The following SLIT3 variants were observed in gnomAD, a reference collection of about 807,000 sequenced individuals.
The protein encoded by SLIT3 is slit homolog 3 protein.
SLIT3 carries 68 observed loss-of-function variants against 184.0 expected under a neutral mutation model. That is an observed-to-expected ratio of 0.37 (90% CI 0.30 to 0.45). SLIT3 has a LOEUF of 0.45. Among genes scored for constraint, SLIT3 ranks in the 20% least tolerant of loss-of-function variants. The pLI, the probability that SLIT3 is intolerant of heterozygous loss-of-function variation, is 1.00. For synonymous variants in SLIT3, 831 were observed against 828.6 expected, an observed-to-expected ratio of 1.00 and a Z score of -0.05; for missense variants, 1,707 against 2,026.0, an observed-to-expected ratio of 0.84 and a Z score of 3.02.
At chr5:168,813,446 C>A (rs190658480) in intron 8 of SLIT3, among the ~76,000 whole-genome samples, 38 of 152,232 alleles carry the variant, frequency 2.5e-4, no homozygotes, top group Admixed American at 2.2e-3. Context: ...AGCCGTAGGG[C>A]CTTAACCTTC....
intron 4 of SLIT3, among the ~76,000 whole-genome samples, chr5:168,889,792 T>A (rs1760373279): frequency 6.6e-6 from 1 of 152,148 alleles, no homozygotes; most frequent in Non-Finnish European, 1.5e-5. Flanking sequence ...TTATCCCAGA[T>A]ACAAAGAAAT....
intron 4 of SLIT3, among the ~76,000 whole-genome samples, chr5:169,151,036 GA>G (rs140136220): frequency 4.0e-5 from 6 of 151,128 alleles, no homozygotes; most frequent in East Asian, 3.9e-4. Context: ...TAGTAGTGAG[GA>G]AAAAAAAACT....
Position 168,842,469 on chromosome 5 carries a change from G to GTTTTTTTTTTTTTTTTTTTTTTTTTTTTT in SLIT3, c.557+2114_557+2115insAAAAAAAAAAAAAAAAAAAAAAAAAAAAA, listed in dbSNP as rs778998998. Among the ~76,000 whole-genome samples, 3 of 88,100 alleles carry GTTTTTTTTTTTTTTTTTTTTTTTTTTTTT rather than the reference G, an allele frequency of 3.4e-5. 1 individual carries two copies. Among genetic ancestry groups the GTTTTTTTTTTTTTTTTTTTTTTTTTTTTT allele is most frequent in the African/African-American group, 4.8e-5 (1 of 20,834 alleles). 57.8% of individuals were successfully genotyped at this position (88,100 alleles called of 152,430 possible). A position where few individuals can be genotyped will look rare whatever the true frequency, so the allele number is the denominator to read the frequency against. Reference sequence around the variant, plus strand: ...TGGTGCATCTGGATACCGTTTTTTCGTTTTTTTTTTTTTTTTTTGTATCTG... The same window carrying GTTTTTTTTTTTTTTTTTTTTTTTTTTTTT: ...TGGTGCATCTGGATACCGTTTTTTCGTTTTTTTTTTTTTTTTTTTTTTTTTTTTTTTTTTTTTTTTTTTTTTTGTATCTG... On this transcript the variant is annotated intron_variant, in intron 6 of 35. Coordinates refer to ENST00000519560, the MANE Select transcript of SLIT3 (RefSeq NM_003062.4).
intron 1 of SLIT3, among the ~76,000 whole-genome samples, chr5:169,264,618 G>A (rs550529326): frequency 6.6e-6 from 1 of 152,160 alleles, no homozygotes; most frequent in Admixed American, 6.5e-5. Flanking sequence ...ATGAAAGAGA[G>A]AAACAGCATG....
intron 4 of SLIT3, among the ~76,000 whole-genome samples, chr5:169,021,440 T>TC (rs1247999410): frequency 1.3e-5 from 2 of 152,134 alleles, no homozygotes; most frequent in Non-Finnish European, 2.9e-5. Context: ...AACCTCCTCC[T>TC]CCCCAGTTCA....
intron 4 of SLIT3, among the ~76,000 whole-genome samples, chr5:168,986,473 G>A (rs1275034492): frequency 1.3e-5 from 2 of 152,162 alleles, no homozygotes; most frequent in Non-Finnish European, 2.9e-5. Flanking sequence ...TAGCTGCAGG[G>A]AGAGGCTTCA....
intron 4 of SLIT3, among the ~76,000 whole-genome samples, chr5:168,895,118 A>G (rs1455994496): frequency 6.6e-6 from 1 of 152,208 alleles, no homozygotes; most frequent in Non-Finnish European, 1.5e-5. Context: ...GCAGTTTGGG[A>G]GAAGTTGAAG....
At chr5:168,712,436 C>A in intron 23 of SLIT3, 82 bp from the exon 24 acceptor site, 1 of 1,239,616 alleles carries the variant, frequency 8.1e-7, no homozygotes, top group African/African-American at 1.5e-5. Context: ...GTGCCTGGCC[C>A]TGCCACCCTT....
chr5:168,803,418 T>C (rs1392310913), intron 9 of SLIT3, among the ~76,000 whole-genome samples: 1 of 152,266 alleles, frequency 6.6e-6, no homozygotes, highest in Admixed American at 6.5e-5. Context: ...ATTACTGTTC[T>C]AGCTTGTCAA....
At chr5:168,734,705 A>G (rs1763380976) in intron 20 of SLIT3, among the ~76,000 whole-genome samples, 1 of 152,214 alleles carries the variant, frequency 6.6e-6, no homozygotes, top group African/African-American at 2.4e-5. Flanking sequence ...TTTTCATCAC[A>G]GCATTTGACC....
intron 4 of SLIT3, among the ~76,000 whole-genome samples, chr5:169,143,572 G>A (rs1761817030): frequency 6.6e-6 from 1 of 152,264 alleles, no homozygotes; most frequent in African/African-American, 2.4e-5. Context: ...GCCGAGGTGG[G>A]TGGATGACCT....
intron 5 of SLIT3, among the ~76,000 whole-genome samples, chr5:168,869,618 G>C (rs1759437370): frequency 6.6e-6 from 1 of 152,152 alleles, no homozygotes; most frequent in South Asian, 2.1e-4. Flanking sequence ...GGCTTTAGAA[G>C]TTATCTCAGA....
intron 14 of SLIT3, among the ~76,000 whole-genome samples, chr5:168,766,646 G>A (rs1466919438): frequency 6.6e-6 from 1 of 152,226 alleles, no homozygotes; most frequent in Non-Finnish European, 1.5e-5. Context: ...GGCCAGTAAA[G>A]CACTGATGGA....
At chr5:168,798,609 G>A (rs1343141788) in intron 9 of SLIT3, among the ~76,000 whole-genome samples, 1 of 152,148 alleles carries the variant, frequency 6.6e-6, no homozygotes, top group Admixed American at 6.5e-5. Context: ...CTCCTGGAGT[G>A]CCAAGGCCAT....
intron 3 of SLIT3, among the ~76,000 whole-genome samples, chr5:169,225,320 A>T (rs2113539507): frequency 6.6e-6 from 1 of 152,360 alleles, no homozygotes; most frequent in East Asian, 1.9e-4. Context: ...AGAATAACCC[A>T]GCAAAATCTC....
chr5:168,708,142 C>T (rs199864051), intron 25 of SLIT3, 42 bp from the exon 26 acceptor site: 13 of 1,613,802 alleles, frequency 8.1e-6, no homozygotes, highest in South Asian at 4.4e-5. Flanking sequence ...GTCCTGAGTG[C>T]GCTCACTGCC....
chr5:169,189,171 A>G (rs936266601), intron 4 of SLIT3, among the ~76,000 whole-genome samples: 1 of 152,022 alleles, frequency 6.6e-6, no homozygotes, highest in African/African-American at 2.4e-5. Context: ...TAATACACAC[A>G]TGAGTCGGAT....
intron 4 of SLIT3, among the ~76,000 whole-genome samples, chr5:169,144,903 T>C (rs1258997464): frequency 1.3e-5 from 2 of 152,214 alleles, no homozygotes; most frequent in Non-Finnish European, 2.9e-5. Context: ...CGATGCATGC[T>C]CCTTCCCTCC....
At chr5:168,899,711 C>A (rs549137549) in intron 4 of SLIT3, among the ~76,000 whole-genome samples, 1 of 152,120 alleles carries the variant, frequency 6.6e-6, no homozygotes, top group Non-Finnish European at 1.5e-5. Flanking sequence ...TTCTTTGGGG[C>A]CTTCATGCAA....
Sources: allele counts gnomAD v4.1 joint callset (sites outside exome capture counted in the v4.1 genomes callset), GRCh38; gene constraint gnomAD v4.1.1; transcripts MANE v1.5; gene names NCBI Gene and HGNC (gene_info 2026-07-23, HGNC 2026-07-21).